PCARE: variants seen among roughly 807,000 people sequenced by gnomAD.
PCARE encodes photoreceptor cilium actin regulator.
Under a neutral mutation model 82.2 loss-of-function variants are expected in PCARE, and 72 were observed. The ratio of observed to expected loss-of-function variants is 0.88; its 90% CI spans 0.72 to 1.07. PCARE has a LOEUF of 1.07. Ranked by LOEUF, PCARE falls within the 50% of genes least tolerant of loss-of-function variation. The pLI is 0.00. For synonymous variants in PCARE, 705 were observed against 634.8 expected (o/e 1.11, Z -1.66); for missense variants, 1,768 against 1,592.4 (o/e 1.11, Z -1.88).
chr2:29,065,084 C>T lies in PCARE; in HGVS notation c.3669-17G>A. The T allele has an allele frequency of 6.5e-7, 1 of 1,548,736 alleles. No homozygotes were observed. Among genetic ancestry groups the T allele is most frequent in the Non-Finnish European group, 8.7e-7 (1 of 1,146,824 alleles). On this transcript the variant is annotated splice_polypyrimidine_tract_variant and intron_variant, in intron 1 of 1. Coordinates refer to ENST00000331664, the MANE Select transcript of PCARE (RefSeq NM_001029883.3). ...TCGCTGCTGCTGCCGAGAGAAAGGACAAGTGCAGGTCAGACACTCCTCCTC... is the reference window on the plus strand; with the variant it reads ...TCGCTGCTGCTGCCGAGAGAAAGGATAAGTGCAGGTCAGACACTCCTCCTC...
At chr2:29,066,053 C>T (rs1667385020) in intron 1 of PCARE, among the ~76,000 whole-genome samples, 1 of 152,154 alleles carries the variant, frequency 6.6e-6, no homozygotes, top group Non-Finnish European at 1.5e-5. Flanking sequence ...GAGGCTGAGA[C>T]AGGAGAATCG....
chr2:29,070,542 T>G (rs899630149), intron 1 of PCARE, 52 bp downstream of exon 1: 2 of 1,610,462 alleles, frequency 1.2e-6, no homozygotes, highest in African/African-American at 2.7e-5. Context: ...ATTCGCTCTG[T>G]TCCTCTCTAG....
Position 29,073,917 on chromosome 2 carries a change from C to A in PCARE, c.345G>T (p.Pro115=), listed in dbSNP as rs549344507. ...KSQSHMAKDI[P]FKTQGSHGSQ... is the part of the protein sequence containing the mutation. Reference sequence around the variant, plus strand: ...ATCCATGGGAACCCTGTGTCTTGAACGGAATATCCTTAGCCATGTGGCTTT... The same window carrying A: ...ATCCATGGGAACCCTGTGTCTTGAAAGGAATATCCTTAGCCATGTGGCTTT... The change falls in exon 1 of 2, where the codon CCG becomes CCT. Residue 115 remains proline (P), a synonymous_variant. Transcript: ENST00000331664. 6.2e-7 allele frequency: 1 copy of A among 1,614,238 alleles called. No homozygotes were observed.
rs1667497392 is a variant in PCARE, at chr2:29,071,988, G to T, written c.2274C>A (p.Cys758Ter). 6 of 1,613,922 alleles carry T rather than the reference G, an allele frequency of 3.7e-6. No homozygotes were observed. Among genetic ancestry groups the T allele is most frequent in the Non-Finnish European group, 5.1e-6 (6 of 1,179,802 alleles). Residue 758 changes from cysteine to a stop codon, truncating the protein, a stop_gained, in exon 1 of 2, where the codon TGC becomes TGA. Transcript: ENST00000331664. LOFTEE classifies it high-confidence loss of function. ...GDSKDAGASP[C>*]LRNCIMPPRF... ...TGGGGGGCATGATGCAATTCCTGAG[G>T]CAGGGACTTGCCCCAGCGTCCTTAG... is the stretch of plus-strand genomic sequence containing the variant.
rs761147595 is a variant in PCARE at position 29,071,466 on chromosome 2, T to TTGGCTGG, written c.2789_2795dup (p.Gln932HisfsTer177). ...AAGTCCCACCCTTCACCTCGGGGCT[T>TTGGCTGG]TGGCTGGTGGCTGGTGGGCTGCTCA... On this transcript the variant is annotated frameshift_variant, in exon 1 of 2. Coordinates refer to ENST00000331664, the MANE Select transcript of PCARE (RefSeq NM_001029883.3). LOFTEE classifies it high-confidence loss of function. 1.4e-5 allele frequency: 23 copies of TTGGCTGG among 1,612,278 alleles called. No homozygotes were observed. The highest frequency in any genetic ancestry group is 1.9e-5 in the Non-Finnish European group (22 of 1,179,968).
Position 29,073,602 on chromosome 2 carries a change from G to A in PCARE, c.660C>T (p.Ser220=). The A allele has an allele frequency of 6.2e-7, 1 of 1,614,230 alleles. No individual in the cohort carries two copies. The highest frequency in any genetic ancestry group is 1.3e-5 in the African/African-American group (1 of 75,056). ...TCTCCTCAAAGCACAGCAGCAAGAA[G>A]CTGACCATGGGCTGCAGCAGCTCCC... ...QTRELLQPMV[S]FLLLCFEEIS... Residue 220 remains serine, a synonymous_variant, in exon 1 of 2, where the codon AGC becomes AGT. Transcript: ENST00000331664.
rs1191691294 is a variant in PCARE at position 29,071,899 on chromosome 2, C to T, written c.2363G>A (p.Gly788Asp). The T allele has an allele frequency of 6.2e-7, 1 of 1,614,202 alleles. No homozygotes were observed. The highest frequency in any genetic ancestry group is 1.1e-5 in the South Asian group (1 of 91,090). ...YPKPQISPAS[G>D]RESLKMGIGW... ...TATGCCCATTTTGAGAGATTCTCTGCCTGATGCTGGAGAAATTTGGGGCTT... is the reference window on the plus strand; with the variant it reads ...TATGCCCATTTTGAGAGATTCTCTGTCTGATGCTGGAGAAATTTGGGGCTT... The change falls in exon 1 of 2, where the codon GGC (glycine) becomes GAC (aspartate). Residue 788 changes from glycine to aspartate, a missense_variant. By Grantham distance (94) the Gly-to-Asp change is moderately conservative. Coordinates refer to ENST00000331664, the MANE Select transcript of PCARE (RefSeq NM_001029883.3).
rs1667523408 is a variant in PCARE at position 29,073,143 on chromosome 2, A to T, written c.1119T>A (p.Leu373=). 6.2e-7 allele frequency: 1 copy of T among 1,614,082 alleles called. No homozygotes were observed. The highest frequency in any genetic ancestry group is 8.5e-7 in the Non-Finnish European group (1 of 1,180,008). ...ACTTCCATTCTTCGGGCTCTGGTGC[A>T]AGGTCCCAGCTGGTTTGCTTGCCCA... ...DKLGKQTSWD[L]APEPEEWKSV... Residue 373 remains leucine, a synonymous_variant, in exon 1 of 2, where the codon CTT becomes CTA. Coordinates refer to ENST00000331664, the MANE Select transcript of PCARE (RefSeq NM_001029883.3).
In PCARE at chr2:29,073,136, C is replaced by T; in HGVS notation, c.1126G>A (p.Glu376Lys). 6.2e-7 allele frequency: 1 copy of T among 1,614,176 alleles called. No individual in the cohort carries two copies. The highest frequency in any genetic ancestry group is 1.7e-5 in the Admixed American group (1 of 60,022). ...GKQTSWDLAP[E>K]PEEWKSVTSP... ...GTCACCGACTTCCATTCTTCGGGCT[C>T]TGGTGCAAGGTCCCAGCTGGTTTGC... Residue 376 changes from glutamate (E) to lysine (K), a missense_variant, in exon 1 of 2, where the codon GAG becomes AAG. By Grantham distance (56) the Glu-to-Lys change is moderately conservative. Transcript: ENST00000331664.
chr2:29,067,500 G>A (rs1330713977), intron 1 of PCARE, among the ~76,000 whole-genome samples: 1 of 152,046 alleles, frequency 6.6e-6, no homozygotes, highest in Non-Finnish European at 1.5e-5. Flanking sequence ...AACCTTCCAC[G>A]TGACCTTGGG....
At position 29,071,622 on chromosome 2, in the gene PCARE, T is replaced by C; in HGVS notation, c.2640A>G (p.Pro880=). The change falls in exon 1 of 2, where the codon CCA becomes CCG. Residue 880 remains proline (P), a synonymous_variant. Transcript: ENST00000331664. The stretch of plus-strand genomic sequence containing the variant: ...GGGGGCTCACAGAGGCCCTCAGCTT[T>C]GGGGAAGCCCATGTTCTCCTGGTGG... The part of the protein sequence containing the change: ...AGPTRRTWAS[P]KLRASVSPLD... 2 of 1,613,512 alleles carry C rather than the reference T, an allele frequency of 1.2e-6. No individual in the cohort carries two copies. The highest frequency in any genetic ancestry group is 1.7e-6 in the Non-Finnish European group (2 of 1,179,828).
Position 29,067,834 on chromosome 2 carries a change from T to C in PCARE, c.3668+2760A>G, listed in dbSNP as rs376353643. Among the ~76,000 whole-genome samples the C allele has an allele frequency of 1.1e-4, 17 of 152,154 alleles. No individual in the cohort carries two copies. In the East Asian group the frequency reaches 1.3e-3, roughly 12 times the overall value. The stretch of plus-strand genomic sequence containing the variant: ...TGCTGGGATTACTGGCGTGAGCCAC[T>C]GCACCTGACCGTCCTCTCTCTTTCA... On this transcript the variant is annotated intron_variant, in intron 1 of 1. Transcript: ENST00000331664.
chr2:29,065,099 C>CA (rs1384432628), intron 1 of PCARE, 32 bp from the exon 2 acceptor site: 10 of 1,544,446 alleles, frequency 6.5e-6, no homozygotes, highest in Non-Finnish European at 8.7e-6. Flanking sequence ...GCAGGTCAGA[C>CA]ACTCCTCCTC....
chr2:29,066,594 G>A (rs1425865782), intron 1 of PCARE, among the ~76,000 whole-genome samples: 3 of 152,274 alleles, frequency 2.0e-5, no homozygotes, highest in Non-Finnish European at 4.4e-5. Context: ...ATCTGAACAA[G>A]ATCGAGGTGG....
rs747236588 is a variant in PCARE at position 29,071,295 on chromosome 2, A to G, written c.2967T>C (p.Pro989=). 5 of 1,613,338 alleles carry G rather than the reference A, an allele frequency of 3.1e-6. No individual in the cohort carries two copies. Among genetic ancestry groups the G allele is most frequent in the Non-Finnish European group, 8.5e-7 (1 of 1,179,884 alleles). Residue 989 remains proline, a synonymous_variant, in exon 1 of 2, where the codon CCT becomes CCC. Coordinates refer to ENST00000331664, the MANE Select transcript of PCARE (RefSeq NM_001029883.3). ...RPRQSRERSP[P]VGRKASPTRT... The stretch of plus-strand genomic sequence containing the variant: ...TCGTGGGAGAGGCCTTTCTGCCCAC[A>G]GGGGGGCTTCTCTCTCGGCTCTGCC...
At position 29,063,965 on chromosome 2, in the gene PCARE, G is replaced by A. The variant is rs1443824388; in HGVS notation, c.*904C>T. 1 of 153,238 alleles carries A rather than the reference G, an allele frequency of 6.5e-6. No individual in the cohort carries two copies. The highest frequency in any genetic ancestry group is 1.5e-5 in the Non-Finnish European group (1 of 68,054). 9.5% of individuals were successfully genotyped at this position (153,238 alleles called of 1,614,324 possible). On this transcript the variant is annotated 3_prime_UTR_variant, in exon 2 of 2. Transcript: ENST00000331664. Reference sequence around the variant, plus strand: ...CGGCATGTGGAGAATGGGCTGCCTTGTTTGGGAGGCTTGGTTTACCCTACT... The same window carrying A: ...CGGCATGTGGAGAATGGGCTGCCTTATTTGGGAGGCTTGGTTTACCCTACT...
chr2:29,070,621 G>A lies in PCARE; in HGVS notation c.3641C>T (p.Ser1214Phe), dbSNP rs1208161347. The change falls in exon 1 of 2, where the codon TCT (serine) becomes TTT (phenylalanine). Residue 1214 changes from serine (S) to phenylalanine (F), a missense_variant. By Grantham distance (155) the Ser-to-Phe change is radical (BLOSUM62 -2). Coordinates refer to ENST00000331664, the MANE Select transcript of PCARE (RefSeq NM_001029883.3). ...QPPTLDPTST[S>F]YESQLGQNSS... The stretch of plus-strand genomic sequence containing the variant: ...GTTCTGGCCGAGCTGGGATTCATAA[G>A]AGGTGCTGGTGGGGTCCAAGGTGGG... 10 of 1,614,074 alleles carry A rather than the reference G, an allele frequency of 6.2e-6. No homozygotes were observed. Among genetic ancestry groups the A allele is most frequent in the Non-Finnish European group, 8.5e-6 (10 of 1,179,916 alleles).
rs760317889 is a variant in PCARE at position 29,071,237 on chromosome 2, G to A, written c.3025C>T (p.Arg1009Cys). The A allele has an allele frequency of 9.3e-6, 15 of 1,611,732 alleles. No individual in the cohort carries two copies. Among genetic ancestry groups the A allele is most frequent in the African/African-American group, 6.7e-5 (5 of 74,762 alleles). The change falls in exon 1 of 2, where the codon CGC becomes TGC. Residue 1009 changes from arginine (R) to cysteine (C), a missense_variant. Arg to Cys is a radical substitution (Grantham distance 180). Transcript: ENST00000331664. ...CTGTAAGAGGAGGGAAGGCTCCGGCGCCTCTTGTCTGCTTGAGGCACCCAG... is the reference window on the plus strand; with the variant it reads ...CTGTAAGAGGAGGGAAGGCTCCGGCACCTCTTGTCTGCTTGAGGCACCCAG... ...THWVPQADKR[R>C]RSLPSSYRPA...
In PCARE at chr2:29,065,051, G is replaced by A; in HGVS notation, c.3685C>T (p.Pro1229Ser). 6.5e-7 allele frequency: 1 copy of A among 1,538,542 alleles called. No individual in the cohort carries two copies. The highest frequency in any genetic ancestry group is 8.7e-7 in the Non-Finnish European group (1 of 1,144,220). ...CTCCCCGGCTCTGTGTCCTTCTTAG[G>A]GCTCTCCTCGCTGCTGCTGCCGAGA... Reference protein sequence around the residue: ...LGQNSSSEESPKKDTEPGSSP... With the variant: ...LGQNSSSEESSKKDTEPGSSP... Residue 1229 changes from proline (P) to serine (S), a missense_variant, in exon 2 of 2, where the codon CCT becomes TCT. Transcript: ENST00000331664.
Sources: gnomAD v4.1 joint callset for allele counts (sites outside exome capture counted in the v4.1 genomes callset) on GRCh38, gnomAD v4.1.1 for gene constraint, MANE v1.5 for transcripts, NCBI Gene and HGNC (gene_info 2026-07-23, HGNC 2026-07-21) for gene names.